MALT1: variants seen among roughly 807,000 people sequenced by gnomAD.
MALT1 encodes mucosa-associated lymphoid tissue lymphoma translocation protein 1.
A neutral mutation model predicts 85.5 loss-of-function variants in MALT1; 36 were observed. The observed-to-expected ratio is 0.42, with a 90% CI of 0.32 to 0.56. MALT1 has a LOEUF of 0.56. Among genes scored for constraint, MALT1 ranks in the 20% least tolerant of loss-of-function variants. The pLI is 0.10. For missense variants in MALT1, 716 were observed against 981.6 expected (o/e 0.73, Z 3.62); for synonymous variants, 359 against 361.3 (o/e 0.99, Z 0.07).
intron 2 of MALT1, among the ~76,000 whole-genome samples, chr18:58,693,185 C>G (rs1215860326): frequency 6.6e-6 from 1 of 152,168 alleles, no homozygotes; most frequent in East Asian, 1.9e-4. Context: ...CTCTGGGAGG[C>G]CAGGGCAGGA....
At chr18:58,687,720 C>T (rs534881014) in intron 2 of MALT1, among the ~76,000 whole-genome samples, 1 of 152,292 alleles carries the variant, frequency 6.6e-6, no homozygotes, top group South Asian at 2.1e-4. Context: ...CATTTAAATG[C>T]GTCGTGAGAG....
rs2055435536 is a variant in MALT1 at position 58,750,746 on chromosome 18, G to A, written c.*2904G>A. ...AAATTCTAACTCAAAATGGATCATAGACCTCAATATAAGAGTTTAAACTCT... is the reference window on the plus strand; with the variant it reads ...AAATTCTAACTCAAAATGGATCATAAACCTCAATATAAGAGTTTAAACTCT... On this transcript the variant is annotated 3_prime_UTR_variant, in exon 17 of 17. Transcript: ENST00000649217. 6.6e-6 allele frequency: 1 copy of A among 152,256 alleles called. No individual in the cohort carries two copies. Among genetic ancestry groups the A allele is most frequent in the South Asian group, 2.1e-4 (1 of 4,824 alleles). The allele number at this position is 152,256 out of a possible 1,614,324, so 9.4% of individuals were successfully genotyped here. A position where few individuals can be genotyped will look rare whatever the true frequency, so the allele number is the denominator to read the frequency against.
In MALT1 at chr18:58,748,479, G is replaced by A. The variant is rs183028297; in HGVS notation, c.*637G>A. ...TATAAGGACTTCACTGCAAGTTTTA[G>A]TTAAGAGGTTTGTATATAAATCTGT... On this transcript the variant is annotated 3_prime_UTR_variant, in exon 17 of 17. Transcript: ENST00000649217. 4.9e-5 allele frequency: 9 copies of A among 183,390 alleles called. No individual in the cohort carries two copies. Among genetic ancestry groups the A allele is most frequent in the Admixed American group, 3.7e-4 (6 of 16,018 alleles). 11.4% of individuals were successfully genotyped at this position (183,390 alleles called of 1,614,324 possible). A position where few individuals can be genotyped will look rare whatever the true frequency, so the allele number is the denominator to read the frequency against.
At chr18:58,734,185 A>C in intron 11 of MALT1, 122 bp from the exon 12 acceptor site, 1 of 1,066,802 alleles carries the variant, frequency 9.4e-7, no homozygotes, top group Non-Finnish European at 1.3e-6. Context: ...AAAATTTTGA[A>C]TCTATAATTT....
intron 2 of MALT1, among the ~76,000 whole-genome samples, chr18:58,692,553 A>G (rs1383358099): frequency 6.6e-6 from 1 of 151,936 alleles, no homozygotes; most frequent in African/African-American, 2.4e-5. Flanking sequence ...AAGCTGATTA[A>G]TAACCCTACA....
chr18:58,701,263 G>A (rs1353165144), intron 4 of MALT1, among the ~76,000 whole-genome samples: 2 of 151,972 alleles, frequency 1.3e-5, no homozygotes, highest in Non-Finnish European at 2.9e-5. Context: ...CCTCACACAC[G>A]GCACCTATAT....
At chr18:58,712,817 G>GA (rs1225265755) in intron 7 of MALT1, among the ~76,000 whole-genome samples, 3 of 152,120 alleles carry the variant, frequency 2.0e-5, no homozygotes, top group Admixed American at 2.0e-4. Flanking sequence ...ATGTATGAAT[G>GA]AAAAAAAGAT....
rs187281646 is a variant in MALT1, at chr18:58,726,939, C to T, written c.1222+3688C>T. On this transcript the variant is annotated intron_variant, in intron 10 of 16. Transcript: ENST00000649217. ...AGCAGTGGGCCTTAGCATAGCTAGCCTGGGTTCAAAGCTTTGGCTTTCTGC... is the reference window on the plus strand; with the variant it reads ...AGCAGTGGGCCTTAGCATAGCTAGCTTGGGTTCAAAGCTTTGGCTTTCTGC... Among the ~76,000 whole-genome samples, 172 of 152,348 alleles carry T rather than the reference C, an allele frequency of 1.1e-3. 4 individuals are homozygous for T. The South Asian group carries it at 0.018, about 16-fold the overall frequency.
At chr18:58,733,624 A>G (rs1044197606) in intron 11 of MALT1, 50 bp downstream of exon 11, 8 of 1,366,566 alleles carry the variant, frequency 5.9e-6, no homozygotes, top group Non-Finnish European at 8.0e-6. Context: ...AATATCGACC[A>G]TGACAAACTA....
At chr18:58,745,599 T>C (rs1418752816) in intron 15 of MALT1, 67 bp from the exon 16 acceptor site, 2 of 1,397,430 alleles carry the variant, frequency 1.4e-6, no homozygotes, top group Admixed American at 1.8e-5. Flanking sequence ...AGATGTCTTA[T>C]GTACTAGATT....
intron 13 of MALT1, among the ~76,000 whole-genome samples, chr18:58,737,788 G>A (rs1398901532): frequency 6.6e-6 from 1 of 152,056 alleles, no homozygotes; most frequent in Non-Finnish European, 1.5e-5. Context: ...TCGCCATGTT[G>A]GCCAGGCCTG....
chr18:58,734,672 C>T lies in MALT1; in HGVS notation c.1475+291C>T, dbSNP rs574646588. The T allele has an allele frequency of 2.8e-5, 8 of 281,662 alleles. No individual in the cohort carries two copies. In the East Asian group the frequency reaches 3.7e-4, roughly 13 times the overall value. 17.4% of individuals were successfully genotyped at this position (281,662 alleles called of 1,614,324 possible). A position where few individuals can be genotyped will look rare whatever the true frequency, so the allele number is the denominator to read the frequency against. On this transcript the variant is annotated intron_variant, in intron 12 of 16. Coordinates refer to ENST00000649217, the MANE Select transcript of MALT1 (RefSeq NM_006785.4). ...ATAAATTTACCTCCTTGATATTCTG[C>T]GTAGAAAATTTTAAATGATCGACTT... is the stretch of plus-strand genomic sequence containing the variant.
At chr18:58,736,983 T>A (rs1183891401) in intron 13 of MALT1, among the ~76,000 whole-genome samples, 2 of 152,232 alleles carry the variant, frequency 1.3e-5, no homozygotes, top group African/African-American at 4.8e-5. Flanking sequence ...TTTTCACAAG[T>A]CATCCAATTT....
At chr18:58,675,149 G>A (rs899515190) in intron 1 of MALT1, among the ~76,000 whole-genome samples, 8 of 152,172 alleles carry the variant, frequency 5.3e-5, no homozygotes, top group Non-Finnish European at 1.2e-4. Context: ...CACAGACTCT[G>A]AGGGTCTTGC....
intron 13 of MALT1, among the ~76,000 whole-genome samples, chr18:58,736,995 G>T (rs1185562159): frequency 6.6e-6 from 1 of 152,160 alleles, no homozygotes; most frequent in African/African-American, 2.4e-5. Flanking sequence ...ATCCAATTTT[G>T]AAACAAAACT....
chr18:58,688,299 T>TACACACAC (rs34923643), intron 2 of MALT1, among the ~76,000 whole-genome samples: 7,714 of 139,612 alleles, frequency 0.055, 180 homozygotes, highest in African/African-American at 0.062. Context: ...ATATATATGT[T>TACACACAC]ACACACACAC....
At chr18:58,744,730 A>G (rs1237661171) in intron 15 of MALT1, among the ~76,000 whole-genome samples, 2 of 152,156 alleles carry the variant, frequency 1.3e-5, no homozygotes, top group African/African-American at 2.4e-5. Flanking sequence ...CTAATTTCTT[A>G]TATCCTAAAC....
At chr18:58,707,649 C>T (rs750379663) in intron 4 of MALT1, among the ~76,000 whole-genome samples, 1 of 152,100 alleles carries the variant, frequency 6.6e-6, no homozygotes, top group Non-Finnish European at 1.5e-5. Context: ...CAATGCTGAA[C>T]ATTGAGTATA....
At chr18:58,692,472 C>T (rs1032425699) in intron 2 of MALT1, among the ~76,000 whole-genome samples, 1 of 147,136 alleles carries the variant, frequency 6.8e-6, no homozygotes, top group African/African-American at 2.5e-5. Context: ...CTCCCTGTCC[C>T]TCTTCCTCTC....
Sources: allele counts gnomAD v4.1 joint callset (sites outside exome capture counted in the v4.1 genomes callset), GRCh38; gene constraint gnomAD v4.1.1; transcripts MANE v1.5; gene names NCBI Gene and HGNC (gene_info 2026-07-23, HGNC 2026-07-21).